PSD3: variants seen among roughly 807,000 people sequenced by gnomAD.
The protein encoded by PSD3 is pleckstrin and Sec7 domain containing 3.
Under a neutral mutation model 105.5 loss-of-function variants are expected in PSD3, and 49 were observed. That is an observed-to-expected ratio of 0.46 (90% confidence interval 0.37 to 0.59). The LOEUF (loss-of-function observed/expected upper bound fraction) is 0.59, where lower values mean the gene tolerates loss of function less well. Among genes scored for constraint, PSD3 ranks in the 20% least tolerant of loss-of-function variants. PSD3 has a pLI of 0.00. For synonymous variants in PSD3, 557 were observed against 457.8 expected, an observed-to-expected ratio of 1.22 and a Z score of -2.77; for missense variants, 1,561 against 1,263.8, an observed-to-expected ratio of 1.24 and a Z score of -3.57.
intron 4 of PSD3, among the ~76,000 whole-genome samples, chr8:18,843,915 ATTTTTT>A (rs10578700): frequency 4.2e-5 from 6 of 141,676 alleles, no homozygotes; most frequent in Non-Finnish European, 3.1e-5. Flanking sequence ...AAGATAGACT[ATTTTTT>A]TTTTTTTTTT....
At chr8:18,881,628 G>A (rs1818109441) in intron 2 of PSD3, among the ~76,000 whole-genome samples, 1 of 152,090 alleles carries the variant, frequency 6.6e-6, no homozygotes. Flanking sequence ...AGACTATATG[G>A]CAGTCACATC....
Position 18,532,430 on chromosome 8 carries a change from A to C in PSD3, c.*3313T>G, listed in dbSNP as rs1799671106. On this transcript the variant is annotated 3_prime_UTR_variant, in exon 16 of 16. Transcript: ENST00000327040. Reference sequence around the variant, plus strand: ...AGTCCTCATTTTCTAGATTAGGATAACAGTTGGAGACGCATAGAGGGTCTT... The same window carrying C: ...AGTCCTCATTTTCTAGATTAGGATACCAGTTGGAGACGCATAGAGGGTCTT... 1 of 152,218 alleles carries C rather than the reference A, an allele frequency of 6.6e-6. No individual in the cohort carries two copies. Among genetic ancestry groups the C allele is most frequent in the Non-Finnish European group, 1.5e-5 (1 of 68,054 alleles). The allele number at this position is 152,218 out of a possible 1,614,324, so 9.4% of individuals were successfully genotyped here. A position where few individuals can be genotyped will look rare whatever the true frequency, so the allele number is the denominator to read the frequency against.
At chr8:18,748,155 T>G (rs116297755) in intron 9 of PSD3, among the ~76,000 whole-genome samples, 267 of 151,236 alleles carry the variant, frequency 1.8e-3, no homozygotes, top group African/African-American at 6.4e-3. Flanking sequence ...TTTTGTTATT[T>G]TAGCCCTTAT....
At chr8:18,690,809 C>T (rs370946037) in intron 9 of PSD3, among the ~76,000 whole-genome samples, 15 of 152,326 alleles carry the variant, frequency 9.8e-5, no homozygotes, top group African/African-American at 3.6e-4. Context: ...AGCTTCAGAG[C>T]CCCTTCCCTT....
intron 4 of PSD3, among the ~76,000 whole-genome samples, chr8:18,853,108 C>T (rs766548344): frequency 2.0e-5 from 3 of 152,070 alleles, no homozygotes; most frequent in Non-Finnish European, 2.9e-5. Context: ...TATTTCATGG[C>T]CTTTTTCCCT....
chr8:18,580,227 G>C (rs1388537522), intron 12 of PSD3, among the ~76,000 whole-genome samples: 1 of 152,148 alleles, frequency 6.6e-6, no homozygotes, highest in Non-Finnish European at 1.5e-5. Flanking sequence ...CAAGAAAGCA[G>C]GATGAGTGAC....
At chr8:18,729,923 T>A (rs531501530) in intron 9 of PSD3, among the ~76,000 whole-genome samples, 11 of 152,336 alleles carry the variant, frequency 7.2e-5, no homozygotes, top group African/African-American at 2.6e-4. Flanking sequence ...AAAACTCTTA[T>A]TTATCACATT....
intron 9 of PSD3, among the ~76,000 whole-genome samples, chr8:18,762,535 A>G (rs76959140): frequency 0.05 from 7,591 of 152,300 alleles, 430 homozygotes; most frequent in East Asian, 0.2. Context: ...GAACCTAAGT[A>G]ATATGCTATC....
At chr8:18,807,429 A>C (rs1811298543) in intron 4 of PSD3, among the ~76,000 whole-genome samples, 1 of 152,186 alleles carries the variant, frequency 6.6e-6, no homozygotes, top group South Asian at 2.1e-4. Flanking sequence ...GAATAGGGAA[A>C]AGAGAGAGAG....
intron 12 of PSD3, among the ~76,000 whole-genome samples, chr8:18,587,128 G>C (rs1803248893): frequency 6.6e-6 from 1 of 152,156 alleles, no homozygotes; most frequent in Non-Finnish European, 1.5e-5. Flanking sequence ...TGCTATACTG[G>C]AATCCTAGGA....
chr8:18,545,764 G>A (rs943680669), intron 15 of PSD3, among the ~76,000 whole-genome samples: 2 of 152,106 alleles, frequency 1.3e-5, no homozygotes, highest in African/African-American at 2.4e-5. Context: ...AAGTCATACC[G>A]GGTATCCCTC....
chr8:18,574,824 T>C (rs1585279709), intron 13 of PSD3, among the ~76,000 whole-genome samples: 1 of 152,194 alleles, frequency 6.6e-6, no homozygotes, highest in Admixed American at 6.5e-5. Context: ...GTTTTACTCA[T>C]TTTGCGATAA....
intron 15 of PSD3, among the ~76,000 whole-genome samples, chr8:18,536,772 T>G (rs1015013922): frequency 3.9e-5 from 6 of 152,192 alleles, no homozygotes; most frequent in Admixed American, 3.9e-4. Context: ...TTCTTCCAGT[T>G]TCTATCCCAA....
intron 2 of PSD3, among the ~76,000 whole-genome samples, chr8:18,904,580 A>G (rs1342162325): frequency 6.6e-6 from 1 of 152,198 alleles, no homozygotes; most frequent in Non-Finnish European, 1.5e-5. Flanking sequence ...TGAAATGGTA[A>G]TGTGTACCCA....
intron 10 of PSD3, among the ~76,000 whole-genome samples, chr8:18,635,398 T>G (rs1292134116): frequency 2.0e-5 from 3 of 152,138 alleles, no homozygotes; most frequent in African/African-American, 7.2e-5. Flanking sequence ...TATAACAATG[T>G]GTGGTCAACG....
At chr8:18,970,971 T>G (rs1216458151) in intron 1 of PSD3, among the ~76,000 whole-genome samples, 2 of 147,830 alleles carry the variant, frequency 1.4e-5, no homozygotes, top group Non-Finnish European at 3.0e-5. Context: ...AGAGCGAGAC[T>G]CTGTCTCAAG....
intron 14 of PSD3, among the ~76,000 whole-genome samples, chr8:18,560,438 T>A (rs1801331497): frequency 6.6e-6 from 1 of 152,038 alleles, no homozygotes; most frequent in Non-Finnish European, 1.5e-5. Context: ...AAGACAATAC[T>A]AGCAAAATAG....
chr8:18,616,138 C>T (rs901054184), intron 11 of PSD3, among the ~76,000 whole-genome samples: 3 of 152,254 alleles, frequency 2.0e-5, no homozygotes, highest in Admixed American at 1.3e-4. Flanking sequence ...TTACCACTCA[C>T]GCGCAGGAGC....
At chr8:18,550,407 A>G (rs556754362) in intron 15 of PSD3, among the ~76,000 whole-genome samples, 2 of 152,360 alleles carry the variant, frequency 1.3e-5, no homozygotes, top group South Asian at 4.1e-4. Flanking sequence ...AACTGGACTC[A>G]GGGTATAAAC....
Sources: gnomAD v4.1 joint callset for allele counts (sites outside exome capture counted in the v4.1 genomes callset) on GRCh38, gnomAD v4.1.1 for gene constraint, MANE v1.5 for transcripts, NCBI Gene and HGNC (gene_info 2026-07-23, HGNC 2026-07-21) for gene names.